Variants in CHD2 observed in about 807,000 individuals in gnomAD.
The protein encoded by CHD2 is ATP-dependent chromatin remodeler CHD2.
CHD2 carries 28 observed loss-of-function variants against 243.9 expected under a neutral mutation model. The observed-to-expected ratio is 0.11, with a 90% CI of 0.09 to 0.16. The LOEUF is 0.16. Ranked by LOEUF, CHD2 falls within the 10% of genes least tolerant of loss-of-function variation. CHD2 has a pLI of 1.00. For synonymous variants in CHD2, 775 were observed against 779.0 expected (o/e 0.99, Z 0.09); for missense variants, 1,386 against 2,209.8 (o/e 0.63, Z 7.47).
chr15:92,965,120 G>T (rs1310951122), intron 16 of CHD2: 2 of 152,152 alleles, frequency 1.3e-5, no homozygotes, highest in African/African-American at 2.4e-5. Context: ...AAATACAGAA[G>T]TTGATAGCAG....
chr15:93,019,796 T>C (rs1016802013), intron 37 of CHD2, among the ~76,000 whole-genome samples: 1 of 152,018 alleles, frequency 6.6e-6, no homozygotes. Context: ...TGGGCAGGCA[T>C]GGTGGCGGGT....
intron 33 of CHD2, among the ~76,000 whole-genome samples, chr15:93,004,136 A>G (rs1414006719): frequency 6.6e-6 from 1 of 152,064 alleles, no homozygotes; most frequent in Non-Finnish European, 1.5e-5. Flanking sequence ...AAAAAAAAAA[A>G]AAAAAAGTAC....
At position 92,900,357 on chromosome 15, in the gene CHD2, G is replaced by T. The variant is rs2052512045; in HGVS notation, c.-539G>T. 7.7e-6 allele frequency: 3 copies of T among 388,704 alleles called. No homozygotes were observed. The highest frequency in any genetic ancestry group is 3.6e-5 in the East Asian group (1 of 27,422). 24.1% of individuals were successfully genotyped at this position (388,704 alleles called of 1,614,324 possible). On this transcript the variant is annotated 5_prime_UTR_variant, in exon 1 of 39. Transcript: ENST00000394196. ...GAAGGAGGCTCTAGATGGCGGCTGT[G>T]CCTTAGAGAGAGCGCGCTCTGCTCC...
intron 2 of CHD2, among the ~76,000 whole-genome samples, chr15:92,913,585 G>A (rs1317600954): frequency 6.6e-6 from 1 of 152,228 alleles, no homozygotes; most frequent in Admixed American, 6.5e-5. Flanking sequence ...GCTGGGCACG[G>A]CGGTTCACGC....
intron 2 of CHD2, among the ~76,000 whole-genome samples, chr15:92,906,626 C>G (rs1259518281): frequency 1.4e-5 from 2 of 148,038 alleles, no homozygotes; most frequent in African/African-American, 2.5e-5. Context: ...AGTGACTGCT[C>G]TGTGTCAGCC....
In CHD2 at chr15:92,996,251, C is replaced by A. The variant is rs567867606; in HGVS notation, c.3596-706C>A. Among the ~76,000 whole-genome samples the A allele has an allele frequency of 7.9e-4, 117 of 147,896 alleles. 2 individuals carry two copies. Among genetic ancestry groups the A allele is most frequent in the African/African-American group, 2.7e-3 (108 of 39,854 alleles). On this transcript the variant is annotated intron_variant, in intron 28 of 38. Transcript: ENST00000394196. ...CTCGGCTCACTGCAAGCTCTGCCTC[C>A]TGGGTTCACACCATTCTCCTGCCTC...
At chr15:92,908,044 T>G (rs1196309329) in intron 2 of CHD2, among the ~76,000 whole-genome samples, 7 of 150,664 alleles carry the variant, frequency 4.6e-5, no homozygotes, top group Non-Finnish European at 7.4e-5. Flanking sequence ...AGCCAGCCTT[T>G]TGAGAGAGCA....
At chr15:92,922,525 T>C (rs1057476933) in intron 2 of CHD2, among the ~76,000 whole-genome samples, 1 of 152,280 alleles carries the variant, frequency 6.6e-6, no homozygotes, top group African/African-American at 2.4e-5. Flanking sequence ...CATGGTGTTA[T>C]TTGCAGCAGT....
chr15:92,954,226 T>C (rs1026768785), intron 14 of CHD2: 25 of 152,398 alleles, frequency 1.6e-4, no homozygotes, highest in Admixed American at 1.4e-3. Flanking sequence ...TTCATGATAG[T>C]CTTCAAAGCT....
At position 92,998,374 on chromosome 15, in the gene CHD2, TTATC is replaced by T. The variant is rs1297380410; in HGVS notation, c.3886-121_3886-118del. The T allele has an allele frequency of 6.9e-7, 1 of 1,445,464 alleles. No individual in the cohort carries two copies. Among genetic ancestry groups the T allele is most frequent in the Non-Finnish European group, 9.3e-7 (1 of 1,069,828 alleles). 89.5% of individuals were successfully genotyped at this position (1,445,464 alleles called of 1,614,324 possible). ...TGGACATGAGATAGGATCTGAGGCT[TTATC>T]TATATTTTGGGTGGTTGGGGAGGGA... is the stretch of plus-strand genomic sequence containing the variant. On this transcript the variant is annotated intron_variant, in intron 30 of 38. Coordinates refer to ENST00000394196, the MANE Select transcript of CHD2 (RefSeq NM_001271.4). The surrounding 1 kb of genome is among the most constrained non-coding windows in gnomAD (Gnocchi z 5.1).
At position 93,024,578 on chromosome 15, in the gene CHD2, C is replaced by G. The variant is rs997259315; in HGVS notation, c.5360C>G (p.Pro1787Arg). ...LPPLHPAVSD[P>R]RSPPSQKSPH... ...CCATTGCACCCTGCAGTCTCAGATC[C>G]TCGCTCACCCCCTTCTCAGAAATCT... Residue 1787 changes from proline to arginine, a missense_variant, in exon 39 of 39, where the codon CCT (proline) becomes CGT (arginine). Pro to Arg is a moderately radical substitution (Grantham distance 103, BLOSUM62 -2). This residue lies in a region of CHD2 where 347 missense variants were observed against 341.6 expected (regional missense o/e 1.02). Coordinates refer to ENST00000394196, the MANE Select transcript of CHD2 (RefSeq NM_001271.4). 1 of 1,614,232 alleles carries G rather than the reference C, an allele frequency of 6.2e-7. No individual in the cohort carries two copies. Among genetic ancestry groups the G allele is most frequent in the East Asian group, 2.2e-5 (1 of 44,888 alleles).
At chr15:93,017,492 A>AT (rs760713016) in intron 37 of CHD2, among the ~76,000 whole-genome samples, 1,896 of 96,818 alleles carry the variant, frequency 0.02, 145 homozygotes, top group African/African-American at 0.036. Flanking sequence ...TGCCGGGCTA[A>AT]TTTTTTTTTT....
At chr15:92,990,385 G>A (rs911200852) in intron 26 of CHD2, among the ~76,000 whole-genome samples, 4 of 152,166 alleles carry the variant, frequency 2.6e-5, no homozygotes, top group Admixed American at 2.0e-4. Context: ...TTTCTTAGAT[G>A]GCTGCACGCA....
At chr15:92,904,632 G>T in intron 2 of CHD2, 2 of 1,238,704 alleles carry the variant, frequency 1.6e-6, no homozygotes, top group Non-Finnish European at 2.0e-6. Context: ...TCCGGGAATG[G>T]TTTATCCTCT....
At chr15:92,915,279 G>GTT (rs771707377) in intron 2 of CHD2, among the ~76,000 whole-genome samples, 9 of 146,230 alleles carry the variant, frequency 6.2e-5, no homozygotes, top group Admixed American at 1.4e-4. Context: ...TATAATTAAA[G>GTT]TTTTTTTTTT....
At chr15:93,010,709 C>T (rs950378231) in intron 35 of CHD2, among the ~76,000 whole-genome samples, 3 of 152,346 alleles carry the variant, frequency 2.0e-5, no homozygotes, top group South Asian at 2.1e-4. Flanking sequence ...CAGGCATGAG[C>T]CACTGCGCCC....
At chr15:92,900,927 G>C (rs866345946) in intron 1 of CHD2, 103 bp downstream of exon 1, 41 of 428,528 alleles carry the variant, frequency 9.6e-5, no homozygotes, top group Middle Eastern at 1.1e-3. Context: ...ATAAGATACA[G>C]AGATTGTTAT....
Position 92,993,008 on chromosome 15 carries a change from G to A in CHD2, c.3595+10G>A, listed in dbSNP as rs746640585. On this transcript the variant is annotated intron_variant, in intron 28 of 38. Transcript: ENST00000394196. ...GAAAATGCCAGCGAGGGTAAGCGAAGTTGGCTTTAGTGAGTCTTCGCAACC... is the reference window on the plus strand; with the variant it reads ...GAAAATGCCAGCGAGGGTAAGCGAAATTGGCTTTAGTGAGTCTTCGCAACC... 8 of 1,612,832 alleles carry A rather than the reference G, an allele frequency of 5.0e-6. No homozygotes were observed. The highest frequency in any genetic ancestry group is 5.9e-6 in the Non-Finnish European group (7 of 1,179,954).
At chr15:92,958,809 T>G (rs2053648055) in intron 16 of CHD2, among the ~76,000 whole-genome samples, 1 of 150,772 alleles carries the variant, frequency 6.6e-6, no homozygotes, top group Non-Finnish European at 1.5e-5. Flanking sequence ...ATTCAACTCT[T>G]TATTATAAAG....
Sources: gnomAD v4.1 joint callset for allele counts (sites outside exome capture counted in the v4.1 genomes callset) on GRCh38, gnomAD v4.1.1 for gene constraint, gnomAD v4.1.1 regional missense constraint, Gnocchi (gnomAD v3.1) non-coding constraint, MANE v1.5 for transcripts, NCBI Gene and HGNC (gene_info 2026-07-23, HGNC 2026-07-21) for gene names.